RSPO3: variants seen among roughly 807,000 people sequenced by gnomAD.
RSPO3 encodes the protein R-spondin-3.
Under a neutral mutation model 36.5 loss-of-function variants are expected in RSPO3, and 17 were observed. The observed-to-expected ratio is 0.47, with a 90% CI of 0.32 to 0.70. RSPO3 has a LOEUF of 0.70. RSPO3 is among the 30% of genes least tolerant of loss of function. The pLI is 0.04. For synonymous variants in RSPO3, 108 were observed against 107.0 expected (o/e 1.01, Z -0.06); for missense variants, 294 against 322.5 (o/e 0.91, Z 0.68).
chr6:127,151,480 G>T (rs572317145), intron 3 of RSPO3, among the ~76,000 whole-genome samples: 1 of 152,024 alleles, frequency 6.6e-6, no homozygotes, highest in African/African-American at 2.4e-5. Context: ...TGATGCTGCG[G>T]TGATGTTGGC....
intron 4 of RSPO3, among the ~76,000 whole-genome samples, chr6:127,180,110 C>T (rs575483658): frequency 6.6e-6 from 1 of 151,898 alleles, no homozygotes; most frequent in Non-Finnish European, 1.5e-5. Flanking sequence ...CAGATGTGTC[C>T]TCTGGAAATA....
At chr6:127,134,794 A>G (rs1054528970) in intron 1 of RSPO3, among the ~76,000 whole-genome samples, 2 of 152,194 alleles carry the variant, frequency 1.3e-5, no homozygotes, top group Admixed American at 1.3e-4. Context: ...ATATTATTCC[A>G]TTTTATAAAT....
At position 127,132,472 on chromosome 6, in the gene RSPO3, G is replaced by T. The variant is rs564483943; in HGVS notation, c.97+13183G>T. Among the ~76,000 whole-genome samples, 8 of 152,068 alleles carry T rather than the reference G, an allele frequency of 5.3e-5. No homozygotes were observed. In the South Asian group the frequency reaches 1.7e-3, roughly 32 times the overall value. On this transcript the variant is annotated intron_variant, in intron 1 of 4. Coordinates refer to ENST00000356698, the MANE Select transcript of RSPO3 (RefSeq NM_032784.5). ...ATGAGTTCATTTAAATTGAAAAATA[G>T]TAAAAACTGACTACTCGTGCTTTAA...
chr6:127,126,325 G>A (rs953202378), intron 1 of RSPO3, among the ~76,000 whole-genome samples: 5 of 152,008 alleles, frequency 3.3e-5, no homozygotes, highest in African/African-American at 7.2e-5. Flanking sequence ...CTACTGATAC[G>A]GGGGTGTAAA....
At chr6:127,186,502 T>C (rs142708170) in intron 4 of RSPO3, among the ~76,000 whole-genome samples, 1 of 152,180 alleles carries the variant, frequency 6.6e-6, no homozygotes, top group East Asian at 1.9e-4. Context: ...AGTCAACACA[T>C]TTAAGTGTTC....
intron 4 of RSPO3, among the ~76,000 whole-genome samples, chr6:127,184,891 A>G (rs990727343): frequency 2.0e-5 from 3 of 152,000 alleles, no homozygotes; most frequent in Non-Finnish European, 4.4e-5. Flanking sequence ...AGTGGTGGAA[A>G]GGGACCTATA....
chr6:127,150,646 C>A (rs3734626), intron 3 of RSPO3, 74 bp downstream of exon 3: 1 of 1,422,724 alleles, frequency 7.0e-7, no homozygotes, highest in Non-Finnish European at 9.5e-7. Flanking sequence ...AAGTCCTTTG[C>A]CAAAAGAACT....
Position 127,118,937 on chromosome 6 carries a change from G to T in RSPO3, c.-256G>T. ...CCGGCGGCTCCTGGAACCCCGGTTC[G>T]CGGCGATGCCAGCCACCCCAGCGAA... On this transcript the variant is annotated 5_prime_UTR_variant, in exon 1 of 5. Coordinates refer to ENST00000356698, the MANE Select transcript of RSPO3 (RefSeq NM_032784.5). 6.9e-6 allele frequency: 2 copies of T among 291,724 alleles called. No individual in the cohort carries two copies. The allele number at this position is 291,724 out of a possible 1,614,324, so 18.1% of individuals were successfully genotyped here. A position where few individuals can be genotyped will look rare whatever the true frequency, so the allele number is the denominator to read the frequency against.
Position 127,126,058 on chromosome 6 carries a change from G to T in RSPO3, c.97+6769G>T, listed in dbSNP as rs570736551. 2.6e-4 allele frequency among the ~76,000 whole-genome samples: 40 copies of T among 152,218 alleles called. No individual in the cohort carries two copies. The South Asian group carries it at 8.3e-3, about 32-fold the overall frequency. On this transcript the variant is annotated intron_variant, in intron 1 of 4. Coordinates refer to ENST00000356698, the MANE Select transcript of RSPO3 (RefSeq NM_032784.5). Reference sequence around the variant, plus strand: ...ATTGCATATGAAAGGGAAAGAGATGGAGGCCCATATTTGGCAATAAACTTT... The same window carrying T: ...ATTGCATATGAAAGGGAAAGAGATGTAGGCCCATATTTGGCAATAAACTTT...
intron 4 of RSPO3, among the ~76,000 whole-genome samples, chr6:127,174,810 T>C (rs1478703555): frequency 6.6e-6 from 1 of 151,828 alleles, no homozygotes; most frequent in Admixed American, 6.6e-5. Flanking sequence ...TTTTCAGTGA[T>C]ATAAGAGATT....
chr6:127,120,071 C>G (rs1773811417), intron 1 of RSPO3: 1 of 152,324 alleles, frequency 6.6e-6, no homozygotes, highest in Admixed American at 6.5e-5. Flanking sequence ...AGAGTGGGGT[C>G]TCCCTAAAGA....
intron 4 of RSPO3, among the ~76,000 whole-genome samples, chr6:127,171,270 G>A (rs1455991787): frequency 6.6e-6 from 1 of 151,632 alleles, no homozygotes; most frequent in African/African-American, 2.4e-5. Context: ...AAAATTGCTT[G>A]ACTCTCAGAA....
chr6:127,149,741 G>C (rs1218211510), intron 2 of RSPO3, among the ~76,000 whole-genome samples: 1 of 151,930 alleles, frequency 6.6e-6, no homozygotes, highest in African/African-American at 2.4e-5. Context: ...CTGTTGTCCT[G>C]GGTTAGTTTT....
intron 3 of RSPO3, among the ~76,000 whole-genome samples, chr6:127,152,037 GA>G (rs1774500961): frequency 6.6e-6 from 1 of 152,104 alleles, no homozygotes; most frequent in Admixed American, 6.6e-5. Flanking sequence ...TTCAGTCCTG[GA>G]AAGGCTATTT....
At chr6:127,176,850 C>A (rs1456627741) in intron 4 of RSPO3, among the ~76,000 whole-genome samples, 2 of 151,948 alleles carry the variant, frequency 1.3e-5, no homozygotes, top group East Asian at 3.9e-4. Context: ...TTCCTTGAAG[C>A]TGAATCTTTA....
chr6:127,165,298 CTAAT>C (rs528741839), intron 4 of RSPO3, among the ~76,000 whole-genome samples: 6 of 151,950 alleles, frequency 3.9e-5, no homozygotes, highest in Non-Finnish European at 7.4e-5. Context: ...ATTTAGATGG[CTAAT>C]TATTTCTTAT....
chr6:127,186,324 T>G (rs1322525090), intron 4 of RSPO3, among the ~76,000 whole-genome samples: 2 of 152,118 alleles, frequency 1.3e-5, no homozygotes, highest in Non-Finnish European at 2.9e-5. Flanking sequence ...TAGGGAAAAT[T>G]CAAATACAAG....
chr6:127,141,635 G>A (rs1774271408), intron 1 of RSPO3, among the ~76,000 whole-genome samples: 2 of 152,158 alleles, frequency 1.3e-5, no homozygotes, highest in Admixed American at 1.3e-4. Flanking sequence ...TTCAGCAGCT[G>A]GTGAAGACAT....
chr6:127,130,803 T>C (rs779189524), intron 1 of RSPO3, among the ~76,000 whole-genome samples: 2 of 152,108 alleles, frequency 1.3e-5, no homozygotes, highest in African/African-American at 4.8e-5. Flanking sequence ...TTGTTTCTTA[T>C]AGAATTTAGT....
Sources: gnomAD v4.1 joint callset for allele counts (sites outside exome capture counted in the v4.1 genomes callset) on GRCh38, gnomAD v4.1.1 for gene constraint, MANE v1.5 for transcripts, NCBI Gene and HGNC (gene_info 2026-07-23, HGNC 2026-07-21) for gene names.